EFNA5: variants seen among roughly 807,000 people sequenced by gnomAD.
EFNA5 encodes ephrin A5.
In EFNA5, 5 loss-of-function variants were observed where a neutral mutation model predicts 22.9. The observed-to-expected ratio is 0.22, with a 90% CI of 0.11 to 0.46. The LOEUF is 0.46. EFNA5 is among the 20% of genes least tolerant of loss of function. The pLI is 0.99. For missense variants in EFNA5, 237 were observed against 293.3 expected (o/e 0.81, Z 1.40); for synonymous variants, 113 against 112.2 (o/e 1.01, Z -0.04).
chr5:107,588,027 A>G (rs1367008600), intron 1 of EFNA5, among the ~76,000 whole-genome samples: 1 of 152,212 alleles, frequency 6.6e-6, no homozygotes, highest in Non-Finnish European at 1.5e-5. Context: ...AAAATTGGGA[A>G]GAAGGCTACA....
chr5:107,395,788 T>C (rs778643144), intron 2 of EFNA5, among the ~76,000 whole-genome samples: 2 of 152,316 alleles, frequency 1.3e-5, no homozygotes, highest in South Asian at 2.1e-4. Context: ...ACAAACCAGA[T>C]AGGCAGAATT....
chr5:107,489,660 A>ACCCC (rs4011600), intron 1 of EFNA5, among the ~76,000 whole-genome samples: 10 of 143,172 alleles, frequency 7.0e-5, no homozygotes, highest in East Asian at 2.1e-4. Context: ...GACCCCACCT[A>ACCCC]CCCCCCCCAC....
chr5:107,664,821 C>G (rs866132064), intron 1 of EFNA5, among the ~76,000 whole-genome samples: 5 of 152,088 alleles, frequency 3.3e-5, no homozygotes, highest in Admixed American at 6.6e-5. Context: ...GCTATTTTAA[C>G]AGTTTGTATA....
chr5:107,388,557 A>G (rs1280650191), intron 2 of EFNA5: 1 of 152,148 alleles, frequency 6.6e-6, no homozygotes, highest in Non-Finnish European at 1.5e-5. Context: ...TTTCAAGATA[A>G]TAAGACTGTA....
intron 1 of EFNA5, among the ~76,000 whole-genome samples, chr5:107,433,346 C>T (rs1332311516): frequency 6.6e-6 from 1 of 152,176 alleles, no homozygotes; most frequent in Non-Finnish European, 1.5e-5. Flanking sequence ...AGCATGGCAA[C>T]TAGTCCTTTG....
intron 1 of EFNA5, among the ~76,000 whole-genome samples, chr5:107,528,745 T>C (rs748303214): frequency 1.3e-5 from 2 of 152,186 alleles, no homozygotes; most frequent in Non-Finnish European, 2.9e-5. Context: ...CTATTGCAAA[T>C]GAAATTTAAT....
At chr5:107,596,263 A>G (rs1010238298) in intron 1 of EFNA5, among the ~76,000 whole-genome samples, 3 of 152,202 alleles carry the variant, frequency 2.0e-5, no homozygotes, top group Non-Finnish European at 2.9e-5. Flanking sequence ...CTGAAACTCT[A>G]TGCCCACTGA....
At chr5:107,571,773 T>C (rs1262426957) in intron 1 of EFNA5, among the ~76,000 whole-genome samples, 1 of 152,172 alleles carries the variant, frequency 6.6e-6, no homozygotes, top group Non-Finnish European at 1.5e-5. Flanking sequence ...AGCTCTGCAC[T>C]GCGTTATGAA....
rs931537651 is a variant in EFNA5, at chr5:107,472,370, T to A, written c.126-44861A>T. On this transcript the variant is annotated intron_variant, in intron 1 of 4. Transcript: ENST00000333274. ...CCGTGTTTCTCTCAGCTACTGCAAA[T>A]AATAATGTTAATAGTATTAGTGATG... is the stretch of plus-strand genomic sequence containing the variant. Among the ~76,000 whole-genome samples the A allele has an allele frequency of 9.2e-5, 14 of 152,314 alleles. No homozygotes were observed. In the East Asian group the frequency reaches 2.7e-3, roughly 29 times the overall value.
At chr5:107,620,266 T>TGGCC (rs899016245) in intron 1 of EFNA5, among the ~76,000 whole-genome samples, 4 of 152,270 alleles carry the variant, frequency 2.6e-5, no homozygotes, top group African/African-American at 9.6e-5. Flanking sequence ...CTAATTGTGC[T>TGGCC]GGCCACGTTT....
chr5:107,448,315 A>C lies in EFNA5; in HGVS notation c.126-20806T>G, dbSNP rs556798765. On this transcript the variant is annotated intron_variant, in intron 1 of 4. Coordinates refer to ENST00000333274, the MANE Select transcript of EFNA5 (RefSeq NM_001962.3). ...ACTCCCTGGCACCTGCCAGTAAACT[A>C]TTCACTTATTCTTCCATTAAACGAC... is the stretch of plus-strand genomic sequence containing the variant. Among the ~76,000 whole-genome samples the C allele has an allele frequency of 3.3e-5, 5 of 152,270 alleles. No individual in the cohort carries two copies. In the East Asian group the frequency reaches 9.6e-4, roughly 29 times the overall value.
At chr5:107,570,194 C>A (rs1457353218) in intron 1 of EFNA5, among the ~76,000 whole-genome samples, 1 of 152,180 alleles carries the variant, frequency 6.6e-6, no homozygotes, top group Admixed American at 6.5e-5. Context: ...ACCCTGGTAC[C>A]TTAAAGTCCG....
intron 1 of EFNA5, among the ~76,000 whole-genome samples, chr5:107,589,092 G>A (rs764200599): frequency 9.2e-5 from 14 of 152,200 alleles, no homozygotes; most frequent in Non-Finnish European, 1.8e-4. Flanking sequence ...CTAGAGACTT[G>A]CCATTTCAAG....
intron 1 of EFNA5, among the ~76,000 whole-genome samples, chr5:107,602,129 C>A (rs149582810): frequency 1.1e-3 from 175 of 152,298 alleles, no homozygotes; most frequent in African/African-American, 4.1e-3. Context: ...AGAAAATGTG[C>A]ACGTTATTAA....
In EFNA5 at chr5:107,380,159, A is replaced by C. The variant is rs1580410605; in HGVS notation, c.*1096T>G. The C allele has an allele frequency of 6.6e-6, 1 of 151,808 alleles. No individual in the cohort carries two copies. The highest frequency in any genetic ancestry group is 1.9e-4 in the East Asian group (1 of 5,140). The allele number at this position is 151,808 out of a possible 1,614,324, so 9.4% of individuals were successfully genotyped here. Reference sequence around the variant, plus strand: ...CTGCGGTCAAGGAGTGTGGAGCAAAACGTGGGTACTAGGGTGGGAGGCGGG... The same window carrying C: ...CTGCGGTCAAGGAGTGTGGAGCAAACCGTGGGTACTAGGGTGGGAGGCGGG... On this transcript the variant is annotated 3_prime_UTR_variant, in exon 5 of 5. Transcript: ENST00000333274.
At chr5:107,431,947 A>G (rs1191238043) in intron 1 of EFNA5, among the ~76,000 whole-genome samples, 1 of 152,212 alleles carries the variant, frequency 6.6e-6, no homozygotes, top group Non-Finnish European at 1.5e-5. Flanking sequence ...TTAGGATCTG[A>G]ACTCAAGTCT....
intron 1 of EFNA5, among the ~76,000 whole-genome samples, chr5:107,456,524 C>T (rs1307990331): frequency 6.6e-6 from 1 of 152,084 alleles, no homozygotes; most frequent in Non-Finnish European, 1.5e-5. Flanking sequence ...CAAACAGCAG[C>T]AAAATCTTTT....
At chr5:107,398,674 C>G (rs953147126) in intron 2 of EFNA5, among the ~76,000 whole-genome samples, 1 of 151,510 alleles carries the variant, frequency 6.6e-6, no homozygotes, top group African/African-American at 2.4e-5. Context: ...TGGCAAGACC[C>G]TGTCTCTATA....
chr5:107,435,315 CTTTTTTTTTTTTT>C (rs3999107), intron 1 of EFNA5, among the ~76,000 whole-genome samples: 2 of 104,666 alleles, frequency 1.9e-5, no homozygotes, highest in East Asian at 5.0e-4. Context: ...TGAAGATGCT[CTTTTTTTTTTTTT>C]TTTTTTTTTG....
Sources: gnomAD v4.1 joint callset for allele counts (sites outside exome capture counted in the v4.1 genomes callset) on GRCh38, gnomAD v4.1.1 for gene constraint, MANE v1.5 for transcripts, NCBI Gene and HGNC (gene_info 2026-07-23, HGNC 2026-07-21) for gene names.